Variants in CTNNA2 observed in about 807,000 individuals in gnomAD.
The protein encoded by CTNNA2 is catenin alpha-2.
CTNNA2 carries 42 observed loss-of-function variants against 101.0 expected under a neutral mutation model. The observed-to-expected ratio is 0.42, with a 90% CI of 0.32 to 0.54. The LOEUF is 0.54. Ranked by LOEUF, CTNNA2 falls within the 20% of genes least tolerant of loss-of-function variation. CTNNA2 has a pLI of 0.14. For synonymous variants in CTNNA2, 450 were observed against 456.4 expected, an observed-to-expected ratio of 0.99 and a Z score of 0.18; for missense variants, 871 against 1,223.1, an observed-to-expected ratio of 0.71 and a Z score of 4.29.
At chr2:80,192,112 T>A (rs2148999234) in intron 7 of CTNNA2, among the ~76,000 whole-genome samples, 1 of 152,342 alleles carries the variant, frequency 6.6e-6, no homozygotes, top group Non-Finnish European at 1.5e-5. Context: ...CAGTGGTGAA[T>A]ATTCATGGAA....
At chr2:80,574,079 G>A in intron 12 of CTNNA2, 84 bp from the exon 13 acceptor site, 1 of 1,438,056 alleles carries the variant, frequency 7.0e-7, no homozygotes, top group East Asian at 2.3e-5. Flanking sequence ...GAATGCCCGA[G>A]GACCTGCCAC....
At position 80,362,796 on chromosome 2, in the gene CTNNA2, A is replaced by G. The variant is rs558977695; in HGVS notation, c.1057-30415A>G. On this transcript the variant is annotated intron_variant, in intron 7 of 18. Coordinates refer to ENST00000402739, the MANE Select transcript of CTNNA2 (RefSeq NM_001282597.3). The stretch of plus-strand genomic sequence containing the variant: ...TTGTGTATGAATTCTCTTGTTATCA[A>G]TGTGTTCTTGTTCCATAGTAGTATT... Among the ~76,000 whole-genome samples, 9 of 152,156 alleles carry G rather than the reference A, an allele frequency of 5.9e-5. No individual in the cohort carries two copies. The South Asian group carries it at 1.9e-3, about 32-fold the overall frequency.
At chr2:79,699,788 T>TACACAC (rs377095429) in intron 2 of CTNNA2, among the ~76,000 whole-genome samples, 104 of 119,998 alleles carry the variant, frequency 8.7e-4, no homozygotes, top group East Asian at 1.4e-3. Context: ...AAGAAAAAAA[T>TACACAC]ACACACACAC....
In CTNNA2 at chr2:80,574,326, C is replaced by CAATTTAGTAG; in HGVS notation, c.1893+12_1893+13insAATTTAGTAG. 1 of 1,598,474 alleles carries CAATTTAGTAG rather than the reference C, an allele frequency of 6.3e-7. No individual in the cohort carries two copies. The highest frequency in any genetic ancestry group is 8.6e-7 in the Non-Finnish European group (1 of 1,168,616). ...TGCTGATGATCAGGGTATGTGAGGC[C>CAATTTAGTAG]TCTGTAGCTCAGAGCTGGTCAGATC... On this transcript the variant is annotated intron_variant, in intron 13 of 18. Coordinates refer to ENST00000402739, the MANE Select transcript of CTNNA2 (RefSeq NM_001282597.3).
At chr2:79,672,638 T>TA (rs977086251) in intron 2 of CTNNA2, among the ~76,000 whole-genome samples, 15 of 151,266 alleles carry the variant, frequency 9.9e-5, no homozygotes, top group African/African-American at 3.4e-4. Flanking sequence ...ACTTAGAAAA[T>TA]AAAAAATAGG....
At chr2:80,051,005 C>T (rs951658049) in intron 7 of CTNNA2, among the ~76,000 whole-genome samples, 27 of 152,130 alleles carry the variant, frequency 1.8e-4, no homozygotes, top group African/African-American at 6.3e-4. Flanking sequence ...AGATTACAGG[C>T]GTGAGCCATG....
intron 3 of CTNNA2, among the ~76,000 whole-genome samples, chr2:79,807,939 A>G (rs964083072): frequency 1.3e-5 from 2 of 152,182 alleles, no homozygotes; most frequent in African/African-American, 4.8e-5. Context: ...CTAAACTTCC[A>G]AAATAGGATC....
chr2:79,649,612 G>A (rs1054885785), intron 1 of CTNNA2, among the ~76,000 whole-genome samples: 2 of 152,184 alleles, frequency 1.3e-5, no homozygotes, highest in African/African-American at 2.4e-5. Flanking sequence ...GTATATGACA[G>A]AGCTGCTCTA....
Position 80,572,204 on chromosome 2 carries a change from A to T in CTNNA2, c.1742-1959A>T, listed in dbSNP as rs1387447159. On this transcript the variant is annotated intron_variant, in intron 12 of 18. Transcript: ENST00000402739. ...TTTAATTTGTTTACCTATGCCTATA[A>T]GTATGAAATTACATCTCATTGTTTG... Among the ~76,000 whole-genome samples, 4 of 152,208 alleles carry T rather than the reference A, an allele frequency of 2.6e-5. No individual in the cohort carries two copies. In the South Asian group the frequency reaches 6.2e-4, roughly 24 times the overall value.
chr2:79,492,388 G>T (rs1228437153), intron 4 of CTNNA2, among the ~76,000 whole-genome samples: 2 of 151,706 alleles, frequency 1.3e-5, no homozygotes, highest in African/African-American at 4.8e-5. Flanking sequence ...TAATATGGTA[G>T]ATTTTCTATC....
intron 2 of CTNNA2, among the ~76,000 whole-genome samples, chr2:79,293,670 A>C (rs1263473894): frequency 3.9e-5 from 6 of 152,214 alleles, no homozygotes; most frequent in Admixed American, 6.5e-5. Context: ...ATTAAAATAC[A>C]CATACAAAAT....
At chr2:79,259,496 T>C (rs1012615077) in intron 2 of CTNNA2, among the ~76,000 whole-genome samples, 2 of 152,190 alleles carry the variant, frequency 1.3e-5, no homozygotes, top group African/African-American at 4.8e-5. Context: ...GGTAGGGCCA[T>C]GTGTACCTTG....
chr2:80,342,248 G>A (rs1213120438), intron 7 of CTNNA2, among the ~76,000 whole-genome samples: 1 of 152,114 alleles, frequency 6.6e-6, no homozygotes, highest in Non-Finnish European at 1.5e-5. Context: ...GAATTTTATG[G>A]CATATCCATT....
chr2:79,716,152 G>A (rs796878758), intron 2 of CTNNA2, among the ~76,000 whole-genome samples: 20 of 152,280 alleles, frequency 1.3e-4, no homozygotes, highest in African/African-American at 4.6e-4. Flanking sequence ...GGGTGGAGTT[G>A]TGGGAGAGGG....
At chr2:80,065,611 C>G (rs1002674900) in intron 7 of CTNNA2, among the ~76,000 whole-genome samples, 22 of 152,080 alleles carry the variant, frequency 1.4e-4, no homozygotes, top group African/African-American at 5.3e-4. Flanking sequence ...CTCGGCCTCC[C>G]AAAGTGCTGG....
chr2:80,477,893 C>T (rs940630110), intron 9 of CTNNA2, among the ~76,000 whole-genome samples: 1 of 152,030 alleles, frequency 6.6e-6, no homozygotes, highest in Non-Finnish European at 1.5e-5. Flanking sequence ...TTTTTACCCC[C>T]CTTTGGGTAG....
At chr2:79,265,191 G>A (rs1201410536) in intron 2 of CTNNA2, among the ~76,000 whole-genome samples, 1 of 152,166 alleles carries the variant, frequency 6.6e-6, no homozygotes, top group African/African-American at 2.4e-5. Flanking sequence ...AAATTCACCA[G>A]TCACTGCAAA....
intron 1 of CTNNA2, among the ~76,000 whole-genome samples, chr2:79,593,576 A>G (rs946830272): frequency 1.3e-5 from 2 of 152,036 alleles, no homozygotes; most frequent in Non-Finnish European, 2.9e-5. Context: ...AGGCTGGTCA[A>G]TTCCTCCCAC....
Position 79,867,361 on chromosome 2 carries a change from T to C in CTNNA2, c.466-2455T>C, listed in dbSNP as rs560075681. ...TATCTATCTGTCTATCTATCAATCATCCATCAATCATCTATCTAATCTATC... is the reference window on the plus strand; with the variant it reads ...TATCTATCTGTCTATCTATCAATCACCCATCAATCATCTATCTAATCTATC... On this transcript the variant is annotated intron_variant, in intron 4 of 18. Transcript: ENST00000402739. Among the ~76,000 whole-genome samples, 119 of 152,122 alleles carry C rather than the reference T, an allele frequency of 7.8e-4. 2 individuals carry two copies. Among genetic ancestry groups the C allele is most frequent in the African/African-American group, 2.7e-3 (114 of 41,490 alleles).
Sources: allele counts gnomAD v4.1 joint callset (sites outside exome capture counted in the v4.1 genomes callset), GRCh38; gene constraint gnomAD v4.1.1; transcripts MANE v1.5; gene names NCBI Gene and HGNC (gene_info 2026-07-23, HGNC 2026-07-21).